GLP2R: variants seen among roughly 807,000 people sequenced by gnomAD.
The protein encoded by GLP2R is glucagon-like peptide 2 receptor.
A neutral mutation model predicts 68.2 loss-of-function variants in GLP2R; 59 were observed. That is an observed-to-expected ratio of 0.87 (90% CI 0.70 to 1.07). The LOEUF is 1.07. Among genes scored for constraint, GLP2R ranks in the 50% least tolerant of loss-of-function variants. The pLI is 0.00. For missense variants in GLP2R, 548 were observed against 677.4 expected (o/e 0.81, Z 2.12); for synonymous variants, 270 against 265.4 (o/e 1.02, Z -0.17).
intron 11 of GLP2R, among the ~76,000 whole-genome samples, chr17:9,887,394 G>A (rs1053467865): frequency 6.6e-6 from 1 of 152,192 alleles, no homozygotes; most frequent in Non-Finnish European, 1.5e-5. Context: ...CGGGCGTGGT[G>A]GCGTCCGCCT....
intron 9 of GLP2R, among the ~76,000 whole-genome samples, chr17:9,867,886 C>T (rs2067054582): frequency 1.3e-5 from 2 of 152,180 alleles, no homozygotes; most frequent in Non-Finnish European, 2.9e-5. Flanking sequence ...GGCCTTGTCC[C>T]TCTTTAGGTC....
At chr17:9,863,436 A>G (rs12150046) in intron 9 of GLP2R, among the ~76,000 whole-genome samples, 31,471 of 152,216 alleles carry the variant, frequency 0.21, 4,279 homozygotes, top group Non-Finnish European at 0.31. Context: ...TCATAGAGCC[A>G]GTCAATGGAA....
chr17:9,842,986 A>G (rs1489911470), intron 4 of GLP2R, among the ~76,000 whole-genome samples: 1 of 152,154 alleles, frequency 6.6e-6, no homozygotes, highest in Non-Finnish European at 1.5e-5. Context: ...CCTAATCCAG[A>G]GAGTGCCCTC....
chr17:9,881,626 C>T (rs3915730), intron 11 of GLP2R, among the ~76,000 whole-genome samples: 8 of 135,534 alleles, frequency 5.9e-5, no homozygotes, highest in South Asian at 2.1e-4. Flanking sequence ...GTGATCCGCC[C>T]GCCTCGGCCT....
rs17743194 is a variant in GLP2R, at chr17:9,884,934, G to T, written c.1285-2998G>T. 6.1e-3 allele frequency among the ~76,000 whole-genome samples: 921 copies of T among 151,724 alleles called. 7 individuals are homozygous for T. Among genetic ancestry groups the T allele is most frequent in the Non-Finnish European group, 8.9e-3 (607 of 67,882 alleles). ...TAATATTTGGTGGCCTTTTTTCTCC[G>T]GAAGGCATGGGTCAGGCAATGTGAG... On this transcript the variant is annotated intron_variant, in intron 11 of 12. Coordinates refer to ENST00000262441, the MANE Select transcript of GLP2R (RefSeq NM_004246.3).
intron 10 of GLP2R, among the ~76,000 whole-genome samples, chr17:9,872,259 G>C (rs1428182097): frequency 6.6e-6 from 1 of 152,126 alleles, no homozygotes; most frequent in Non-Finnish European, 1.5e-5. Flanking sequence ...CCTACAATGT[G>C]CCTGGTACTG....
At chr17:9,844,569 C>G (rs4791373) in intron 4 of GLP2R, among the ~76,000 whole-genome samples, 1 of 147,926 alleles carries the variant, frequency 6.8e-6, no homozygotes, top group Admixed American at 6.8e-5. Flanking sequence ...TCGCAGGCTT[C>G]TGGCTTGGAC....
At position 9,825,990 on chromosome 17, in the gene GLP2R, A is replaced by C; in HGVS notation, c.-74A>C. ...TTCCTCTGTGGACCAAGAGGAATGCAAGAGGAGGCTGCCTGCGGTGCATCT... is the reference window on the plus strand; with the variant it reads ...TTCCTCTGTGGACCAAGAGGAATGCCAGAGGAGGCTGCCTGCGGTGCATCT... On this transcript the variant is annotated 5_prime_UTR_variant, in exon 1 of 13. Coordinates refer to ENST00000262441, the MANE Select transcript of GLP2R (RefSeq NM_004246.3). The C allele has an allele frequency of 1.6e-6, 2 of 1,224,344 alleles. No homozygotes were observed. The highest frequency in any genetic ancestry group is 2.3e-6 in the Non-Finnish European group (2 of 862,856). The allele number at this position is 1,224,344 out of a possible 1,614,324, so 75.8% of individuals were successfully genotyped here.
rs1357761205 is a variant in GLP2R, at chr17:9,891,336, T to G, written c.*1631T>G. The G allele has an allele frequency of 6.6e-6, 1 of 152,170 alleles. No homozygotes were observed. The highest frequency in any genetic ancestry group is 1.5e-5 in the Non-Finnish European group (1 of 68,026). The allele number at this position is 152,170 out of a possible 1,614,324, so 9.4% of individuals were successfully genotyped here. A position where few individuals can be genotyped will look rare whatever the true frequency, so the allele number is the denominator to read the frequency against. On this transcript the variant is annotated 3_prime_UTR_variant, in exon 13 of 13. Transcript: ENST00000262441. ...TCATCTCTAAAAAGCTCAAAGTAAA[T>G]GATCAAAATAAATCATATTTTAATG...
intron 4 of GLP2R, among the ~76,000 whole-genome samples, chr17:9,851,609 G>C (rs993141961): frequency 1.3e-5 from 2 of 152,114 alleles, no homozygotes; most frequent in African/African-American, 4.8e-5. Context: ...AGAGAGAAAC[G>C]TGGTTGGGAT....
chr17:9,865,311 A>ATT (rs1011407686), intron 9 of GLP2R, among the ~76,000 whole-genome samples: 9 of 114,582 alleles, frequency 7.9e-5, no homozygotes, highest in African/African-American at 2.7e-4. Flanking sequence ...GCCCCTTGTG[A>ATT]TTTTGTGTGT....
chr17:9,863,309 G>A (rs1419958344), intron 9 of GLP2R, among the ~76,000 whole-genome samples: 1 of 152,186 alleles, frequency 6.6e-6, no homozygotes, highest in East Asian at 1.9e-4. Context: ...ATTTGTAAGT[G>A]CTTTGTGTAT....
rs529830698 is a variant in GLP2R at position 9,857,510 on chromosome 17, C to T, written c.699C>T (p.Val233=). The T allele has an allele frequency of 5.0e-5, 80 of 1,614,022 alleles. No homozygotes were observed. Among genetic ancestry groups the T allele is most frequent in the Non-Finnish European group, 6.5e-5 (77 of 1,179,924 alleles). ...LRTLAVLVKD[V]VFYNSYSKRP... is the part of the protein sequence containing the mutation. ...CCCTGGCTGTACTGGTGAAGGACGT[C>T]GTCTTCTACAACTCTTACTCCAAGA... Residue 233 remains valine, a synonymous_variant, in exon 6 of 13, where the codon GTC becomes GTT. Transcript: ENST00000262441.
intron 9 of GLP2R, chr17:9,866,211 G>T (rs1284861902): frequency 3.3e-5 from 8 of 246,084 alleles, no homozygotes; most frequent in Non-Finnish European, 6.4e-5. Context: ...CTTCAGCCAG[G>T]TGAGTTGGCC....
chr17:9,830,340 G>T (rs2066669556), intron 1 of GLP2R, among the ~76,000 whole-genome samples: 1 of 152,182 alleles, frequency 6.6e-6, no homozygotes, highest in Non-Finnish European at 1.5e-5. Flanking sequence ...TTACACTGAT[G>T]ACTTGGAGGA....
intron 5 of GLP2R, among the ~76,000 whole-genome samples, chr17:9,855,512 A>G (rs62066034): frequency 0.15 from 23,443 of 152,204 alleles, 2,336 homozygotes; most frequent in Non-Finnish European, 0.23. Flanking sequence ...TACAGAAGAG[A>G]TTAAGAATCT....
intron 4 of GLP2R, among the ~76,000 whole-genome samples, chr17:9,848,440 C>T (rs2066861108): frequency 1.3e-5 from 2 of 152,158 alleles, no homozygotes; most frequent in Admixed American, 1.3e-4. Flanking sequence ...GGGGTCCAGC[C>T]ATCAATACTA....
rs1396932701 is a variant in GLP2R, at chr17:9,857,588, C to T, written c.765+12C>T. 6.2e-7 allele frequency: 1 copy of T among 1,613,462 alleles called. No homozygotes were observed. Among genetic ancestry groups the T allele is most frequent in the Non-Finnish European group, 8.5e-7 (1 of 1,179,516 alleles). ...CCTACCTGTCAGAGGTAATCCCCTT[C>T]CCCACTGTTTACACTGGACTCCCCA... On this transcript the variant is annotated intron_variant, in intron 6 of 12. Coordinates refer to ENST00000262441, the MANE Select transcript of GLP2R (RefSeq NM_004246.3).
intron 11 of GLP2R, 68 bp from the exon 12 acceptor site, chr17:9,887,864 T>C: frequency 8.7e-7 from 1 of 1,149,306 alleles, no homozygotes; most frequent in Non-Finnish European, 1.3e-6. Flanking sequence ...GCTTTGGACG[T>C]TGCCAGTAAC....
Sources: gnomAD v4.1 joint callset for allele counts (sites outside exome capture counted in the v4.1 genomes callset) on GRCh38, gnomAD v4.1.1 for gene constraint, MANE v1.5 for transcripts, NCBI Gene and HGNC (gene_info 2026-07-23, HGNC 2026-07-21) for gene names.